Variants in ATP8A2 observed in about 807,000 individuals in gnomAD.
ATP8A2 encodes ATPase phospholipid transporting 8A2, also known as phospholipid-transporting ATPase IB.
Under a neutral mutation model 165.6 loss-of-function variants are expected in ATP8A2, and 100 were observed. The ratio of observed to expected loss-of-function variants is 0.60; its 90% CI spans 0.51 to 0.71. ATP8A2 has a LOEUF of 0.71. ATP8A2 is among the 30% of genes least tolerant of loss of function. The pLI is 0.00. For missense variants in ATP8A2, 1,227 were observed against 1,479.5 expected, an observed-to-expected ratio of 0.83 and a Z score of 2.80; for synonymous variants, 543 against 548.8, an observed-to-expected ratio of 0.99 and a Z score of 0.15.
Position 25,959,419 on chromosome 13 carries a change from C to T in ATP8A2, c.3184-2156C>T, listed in dbSNP as rs1057038324. Among the ~76,000 whole-genome samples the T allele has an allele frequency of 4.6e-5, 7 of 152,216 alleles. No homozygotes were observed. The South Asian group carries it at 1.4e-3, about 32-fold the overall frequency. The stretch of plus-strand genomic sequence containing the variant: ...CAAGTCCATCGGGGCCTGGGACACC[C>T]CACTGTTTTTGAAGTCCTGGAATGT... On this transcript the variant is annotated intron_variant, in intron 33 of 36. Transcript: ENST00000381655.
chr13:25,730,461 T>C (rs1413420589), intron 25 of ATP8A2, among the ~76,000 whole-genome samples: 2 of 152,184 alleles, frequency 1.3e-5, no homozygotes, highest in Admixed American at 6.5e-5. Flanking sequence ...CTTTTACCTC[T>C]GGTGTCTAAA....
At chr13:25,927,337 T>A (rs903569760) in intron 33 of ATP8A2, 7 of 373,478 alleles carry the variant, frequency 1.9e-5, no homozygotes, top group African/African-American at 1.5e-4. Flanking sequence ...TTTGGTTTTT[T>A]TCTTTGAAAA....
chr13:26,007,654 G>A (rs1374732446), intron 35 of ATP8A2, among the ~76,000 whole-genome samples: 3 of 152,116 alleles, frequency 2.0e-5, no homozygotes, highest in Non-Finnish European at 4.4e-5. Context: ...ATAAACAAAG[G>A]CAGGCTCTCA....
At chr13:25,802,845 A>G (rs913893869) in intron 27 of ATP8A2, among the ~76,000 whole-genome samples, 1 of 152,180 alleles carries the variant, frequency 6.6e-6, no homozygotes, top group Non-Finnish European at 1.5e-5. Context: ...GCAAGTTACT[A>G]GAACCGCAGA....
At chr13:25,392,714 C>T (rs954853367) in intron 1 of ATP8A2, among the ~76,000 whole-genome samples, 1 of 151,966 alleles carries the variant, frequency 6.6e-6, no homozygotes, top group South Asian at 2.1e-4. Context: ...GAGCAGTGAC[C>T]CCATTTCTCT....
intron 30 of ATP8A2, among the ~76,000 whole-genome samples, chr13:25,853,385 TATCTAAAA>T (rs967998493): frequency 9.1e-5 from 5 of 54,686 alleles, no homozygotes; most frequent in East Asian, 4.7e-4. Context: ...AGCAAGACTC[TATCTAAAA>T]AAAATATATA....
At position 25,677,525 on chromosome 13, in the gene ATP8A2, A is replaced by C. The variant is rs183245387; in HGVS notation, c.2212-21648A>C. On this transcript the variant is annotated intron_variant, in intron 24 of 36. Coordinates refer to ENST00000381655, the MANE Select transcript of ATP8A2 (RefSeq NM_016529.6). ...GAGACCCGGGTGGTGGTGGAGAGAC[A>C]TTTAATTCCCTTCTGAAGAAGGCAT... Among the ~76,000 whole-genome samples the C allele has an allele frequency of 1.2e-3, 171 of 141,950 alleles. 2 individuals carry two copies. The highest frequency in any genetic ancestry group is 4.4e-3 in the African/African-American group (163 of 37,144). 93.1% of individuals were successfully genotyped at this position (141,950 alleles called of 152,430 possible). A position where few individuals can be genotyped will look rare whatever the true frequency, so the allele number is the denominator to read the frequency against.
At chr13:25,659,438 A>G (rs1247035389) in intron 24 of ATP8A2, among the ~76,000 whole-genome samples, 3 of 151,988 alleles carry the variant, frequency 2.0e-5, no homozygotes, top group African/African-American at 7.3e-5. Context: ...GAGCTGGGGG[A>G]ACGTTGGAGG....
chr13:25,463,626 T>G (rs1245638653), intron 1 of ATP8A2, among the ~76,000 whole-genome samples: 1 of 152,148 alleles, frequency 6.6e-6, no homozygotes, highest in Non-Finnish European at 1.5e-5. Context: ...ACTTCCACAT[T>G]CTTATTGCCA....
At chr13:25,720,329 A>T (rs1249431582) in intron 25 of ATP8A2, among the ~76,000 whole-genome samples, 2 of 151,490 alleles carry the variant, frequency 1.3e-5, no homozygotes. Flanking sequence ...TGCCAGGCTA[A>T]TTTTTTATAT....
chr13:25,557,183 GTA>G (rs1296666195), intron 13 of ATP8A2, among the ~76,000 whole-genome samples: 15 of 152,208 alleles, frequency 9.9e-5, no homozygotes. Context: ...CTTAAATTGT[GTA>G]TATTCATATA....
In ATP8A2 at chr13:25,560,979, C is replaced by T. The variant is rs533491813; in HGVS notation, c.1397+1214C>T. Among the ~76,000 whole-genome samples, 12 of 151,630 alleles carry T rather than the reference C, an allele frequency of 7.9e-5. No individual in the cohort carries two copies. In the South Asian group the frequency reaches 1.0e-3, roughly 13 times the overall value. On this transcript the variant is annotated intron_variant, in intron 15 of 36. Coordinates refer to ENST00000381655, the MANE Select transcript of ATP8A2 (RefSeq NM_016529.6). ...TTGGCTCACTGCAAGCTCCGCCTCC[C>T]GGGTTCATACCATTCTCCTGCCTCA... is the stretch of plus-strand genomic sequence containing the variant.
At chr13:25,921,023 T>C (rs543581935) in intron 33 of ATP8A2, among the ~76,000 whole-genome samples, 36 of 152,166 alleles carry the variant, frequency 2.4e-4, no homozygotes, top group African/African-American at 7.9e-4. Flanking sequence ...TGAGCCAAGA[T>C]CATGCCACTG....
At chr13:25,481,797 G>A (rs2036211789) in intron 2 of ATP8A2, among the ~76,000 whole-genome samples, 1 of 152,136 alleles carries the variant, frequency 6.6e-6, no homozygotes, top group Admixed American at 6.5e-5. Context: ...CAGAGAGAGT[G>A]AGCAAGAGCA....
At chr13:25,382,976 C>T (rs569656427) in intron 1 of ATP8A2, among the ~76,000 whole-genome samples, 3 of 151,358 alleles carry the variant, frequency 2.0e-5, no homozygotes, top group East Asian at 1.9e-4. Flanking sequence ...AGGATGGTCT[C>T]CATCTCCTGA....
chr13:25,657,052 CAAAAAAAAAAAAAAAAAAAAA>C (rs57955107), intron 24 of ATP8A2, among the ~76,000 whole-genome samples: 1 of 67,704 alleles, frequency 1.5e-5, no homozygotes, highest in African/African-American at 6.0e-5. Flanking sequence ...GACTCTGTCT[CAAAAAAAAAAAAAAAAAAAAA>C]AAAAAAAAGA....
intron 13 of ATP8A2, among the ~76,000 whole-genome samples, chr13:25,556,366 T>C (rs1365652297): frequency 6.6e-6 from 1 of 152,250 alleles, no homozygotes; most frequent in African/African-American, 2.4e-5. Context: ...TGATGATTAG[T>C]GATGTGGAGC....
At chr13:25,715,210 G>T (rs9553648) in intron 25 of ATP8A2, among the ~76,000 whole-genome samples, 23,139 of 151,984 alleles carry the variant, frequency 0.15, 1,851 homozygotes, top group South Asian at 0.19. Context: ...GAGAAAACTG[G>T]GGCCGAATCA....
rs544595729 is a variant in ATP8A2, at chr13:25,816,956, T to C, written c.2680-11162T>C. Among the ~76,000 whole-genome samples the C allele has an allele frequency of 3.9e-5, 6 of 152,166 alleles. No individual in the cohort carries two copies. In the South Asian group the frequency reaches 1.2e-3, roughly 32 times the overall value. The stretch of plus-strand genomic sequence containing the variant: ...GTTAAGGGTGTGACTTTATTGGTTA[T>C]AAAACACATGTTCTCAAATATTTGC... On this transcript the variant is annotated intron_variant, in intron 27 of 36. Coordinates refer to ENST00000381655, the MANE Select transcript of ATP8A2 (RefSeq NM_016529.6).
Sources: gnomAD v4.1 joint callset for allele counts (sites outside exome capture counted in the v4.1 genomes callset) on GRCh38, gnomAD v4.1.1 for gene constraint, MANE v1.5 for transcripts, NCBI Gene and HGNC (gene_info 2026-07-23, HGNC 2026-07-21) for gene names.